CDAN1: variants seen among roughly 807,000 people sequenced by gnomAD.
CDAN1 encodes the protein codanin 1, also known as codanin-1.
CDAN1 carries 107 observed loss-of-function variants against 139.8 expected under a neutral mutation model. The observed-to-expected ratio is 0.77, with a 90% CI of 0.65 to 0.90. The LOEUF (loss-of-function observed/expected upper bound fraction) is 0.90. CDAN1 is among the 40% of genes least tolerant of loss of function. The pLI is 0.00. For missense variants in CDAN1, 1,667 were observed against 1,575.7 expected (o/e 1.06, Z -0.98); for synonymous variants, 776 against 660.6 (o/e 1.17, Z -2.68).
At chr15:42,726,235 C>T in intron 24 of CDAN1, 75 bp from the exon 25 acceptor site, 1 of 1,601,364 alleles carries the variant, frequency 6.2e-7, no homozygotes, top group Non-Finnish European at 8.5e-7. Flanking sequence ...GGCCCTGAGC[C>T]AGTGTGGCTC....
intron 19 of CDAN1, 92 bp downstream of exon 19, chr15:42,728,931 C>T: frequency 1.3e-6 from 2 of 1,572,482 alleles, no homozygotes; most frequent in Non-Finnish European, 1.7e-6. Context: ...GCCCCACACC[C>T]ACCCTCTGGC....
Position 42,730,176 on chromosome 15 carries a change from A to G in CDAN1, c.2214T>C (p.Cys738=), listed in dbSNP as rs1045650321. 3.7e-6 allele frequency: 6 copies of G among 1,614,224 alleles called. No homozygotes were observed. Among genetic ancestry groups the G allele is most frequent in the East Asian group, 4.5e-5 (2 of 44,884 alleles). The change falls in exon 15 of 28, where the codon TGT becomes TGC. Residue 738 remains cysteine (C), a synonymous_variant. Transcript: ENST00000356231. ...CAAGTAGCAGCAGCTTGTTCAGGAA[A>G]CACATCTTCCCCTCACTCTCCTGCG... ...VLSQESEGKM[C]FLNKLLLLAV... is the part of the protein sequence containing the mutation.
At position 42,733,935 on chromosome 15, in the gene CDAN1, C is replaced by T; in HGVS notation, c.1367+3G>A. On this transcript the variant is annotated splice_donor_region_variant and intron_variant, in intron 8 of 27. Coordinates refer to ENST00000356231, the MANE Select transcript of CDAN1 (RefSeq NM_138477.4). ...CTCCCCAAAAAGTCCCTTTTCTTAT[C>T]ACCTCTGTTTCTTAAAAGTATGAAA... The T allele has an allele frequency of 6.2e-7, 1 of 1,604,354 alleles. No homozygotes were observed.
Position 42,736,042 on chromosome 15 carries a change from C to G in CDAN1, c.606G>C (p.Val202=). Residue 202 remains valine (V), a synonymous_variant, in exon 3 of 28, where the codon GTG becomes GTC. Transcript: ENST00000356231. ...KPSRRINPTP[V]SEERSLSKPK... ...GCTTGGAGAGTGACCGCTCTTCGCT[C>G]ACCGGAGTTGGGTTGATCCTGCGAG... The G allele has an allele frequency of 6.2e-7, 1 of 1,614,182 alleles. No individual in the cohort carries two copies. Among genetic ancestry groups the G allele is most frequent in the Non-Finnish European group, 8.5e-7 (1 of 1,180,018 alleles).
intron 2 of CDAN1, 35 bp downstream of exon 2, chr15:42,736,267 T>C (rs758542256): frequency 1.2e-6 from 2 of 1,612,228 alleles, no homozygotes; most frequent in Non-Finnish European, 1.7e-6. Context: ...AGAGCCTTCG[T>C]GGTACCCATC....
rs1007650711 is a variant in CDAN1, at chr15:42,726,672, G to A, written c.3097-255C>T. The A allele has an allele frequency of 5.2e-5, 29 of 561,238 alleles. No homozygotes were observed. In the East Asian group the frequency reaches 5.3e-4, roughly 10 times the overall value. 34.8% of individuals were successfully genotyped at this position (561,238 alleles called of 1,614,324 possible). On this transcript the variant is annotated intron_variant, in intron 23 of 27. Transcript: ENST00000356231. ...AGTAGGCTGCCATAGCATGGGAAAC[G>A]TCACTCAACTTGGGACCAAACTGTA...
chr15:42,734,419 AC>A, intron 6 of CDAN1, 73 bp from the exon 7 acceptor site: 1 of 1,588,500 alleles, frequency 6.3e-7, no homozygotes, highest in Non-Finnish European at 8.6e-7. Flanking sequence ...CCTGCACACC[AC>A]AGAGGATCTC....
rs990394443 is a variant in CDAN1, at chr15:42,736,534, C to A, written c.337G>T (p.Ala113Ser). 1 of 1,458,086 alleles carries A rather than the reference C, an allele frequency of 6.9e-7. No homozygotes were observed. Among genetic ancestry groups the A allele is most frequent in the Non-Finnish European group, 9.0e-7 (1 of 1,106,912 alleles). 90.3% of individuals were successfully genotyped at this position (1,458,086 alleles called of 1,614,324 possible). The change falls in exon 2 of 28, where the codon GCC (alanine) becomes TCC (serine). Residue 113 changes from alanine to serine, a missense_variant. By Grantham distance (99) the Ala-to-Ser change is moderately conservative (BLOSUM62 1). Around this residue, in one of 3 missense-constraint regions of CDAN1, gnomAD observed 487 missense variants for 422.2 expected, o/e 1.15. Transcript: ENST00000356231. ...CTGCCCCCGCGGCGGGCCAGAGGGGCCTCGGCAGCGGTGCTCTGGGCCTCG... is the reference window on the plus strand; with the variant it reads ...CTGCCCCCGCGGCGGGCCAGAGGGGACTCGGCAGCGGTGCTCTGGGCCTCG... ...PTEAQSTAAE[A>S]PLARRGGRRR...
In CDAN1 at chr15:42,730,729, C is replaced by A. The variant is rs761138198; in HGVS notation, c.2043G>T (p.Gln681His). 1.2e-6 allele frequency: 2 copies of A among 1,612,894 alleles called. No individual in the cohort carries two copies. Among genetic ancestry groups the A allele is most frequent in the Non-Finnish European group, 1.7e-6 (2 of 1,179,410 alleles). ...CCGCCCGGCGGGCCTGCAGCCCTCGCTGCAGCAGAGTCCGCACATCCAGGA... is the reference window on the plus strand; with the variant it reads ...CCGCCCGGCGGGCCTGCAGCCCTCGATGCAGCAGAGTCCGCACATCCAGGA... The part of the protein sequence containing the change: ...PPVLDVRTLL[Q>H]RGLQARRAVL... The change falls in exon 14 of 28, where the codon CAG (glutamine) becomes CAT (histidine). Residue 681 changes from glutamine (Q) to histidine (H), a missense_variant. Transcript: ENST00000356231.
At chr15:42,730,309 A>C in intron 14 of CDAN1, 94 bp from the exon 15 acceptor site, 1 of 1,173,778 alleles carries the variant, frequency 8.5e-7, no homozygotes, top group South Asian at 1.2e-5. Flanking sequence ...CAAAAGCAGA[A>C]CTAAAAGGGA....
At chr15:42,730,287 G>A (rs2061591804) in intron 14 of CDAN1, 72 bp from the exon 15 acceptor site, 1 of 1,404,776 alleles carries the variant, frequency 7.1e-7, no homozygotes, top group African/African-American at 1.4e-5. Context: ...GCCATCAGTG[G>A]AAACTGGCTT....
At chr15:42,736,885 C>G (rs567618524) in intron 1 of CDAN1, 105 bp from the exon 2 acceptor site, 2 of 1,450,722 alleles carry the variant, frequency 1.4e-6, no homozygotes, top group African/African-American at 3.0e-5. Flanking sequence ...GCCCGGGCAG[C>G]GGCGCCCAGT....
chr15:42,724,514 C>A lies in CDAN1; in HGVS notation c.3661G>T (p.Gly1221Cys), dbSNP rs2061497193. 6.4e-7 allele frequency: 1 copy of A among 1,574,194 alleles called. No homozygotes were observed. Among genetic ancestry groups the A allele is most frequent in the East Asian group, 2.3e-5 (1 of 42,826 alleles). Reference protein sequence around the residue: ...RACELVQPNRGTVLAQS With the variant: ...RACELVQPNRCTVLAQS ...CCCTAGCTCTGGGCCAGCACAGTGC[C>A]CCGGTTTGGCTGCACCAACTCACAG... Residue 1221 changes from glycine to cysteine, a missense_variant, in exon 28 of 28, where the codon GGC becomes TGC. Physicochemically the swap from Gly to Cys is radical, Grantham distance 159. Around this residue, in one of 3 missense-constraint regions of CDAN1, gnomAD observed 936 missense variants for 844.1 expected, o/e 1.11. Coordinates refer to ENST00000356231, the MANE Select transcript of CDAN1 (RefSeq NM_138477.4).
At chr15:42,724,775 C>G in intron 27 of CDAN1, 159 bp from the exon 28 acceptor site, 1 of 971,814 alleles carries the variant, frequency 1.0e-6, no homozygotes, top group Non-Finnish European at 1.6e-6. Flanking sequence ...TGTTAGTACT[C>G]TGGGAGGCTG....
Position 42,726,411 on chromosome 15 carries a change from G to T in CDAN1, c.3103C>A (p.Leu1035Ile). The change falls in exon 24 of 28, where the codon CTC becomes ATC. Residue 1035 changes from leucine to isoleucine, a missense_variant. By Grantham distance (5) the Leu-to-Ile change is conservative (BLOSUM62 2). This residue lies in a region of CDAN1 where 936 missense variants were observed against 844.1 expected (regional missense o/e 1.11). Coordinates refer to ENST00000356231, the MANE Select transcript of CDAN1 (RefSeq NM_138477.4). ...TCCCGTGGCCCCACGGCCAAGGAGA[G>T]CACGTCCTGTGAAGAGCAGGGGGAG... ...SHLISEIKDV[L>I]SLAVGPRDPD... 1 of 1,591,952 alleles carries T rather than the reference G, an allele frequency of 6.3e-7. No individual in the cohort carries two copies. The highest frequency in any genetic ancestry group is 8.6e-7 in the Non-Finnish European group (1 of 1,169,136).
At position 42,728,696 on chromosome 15, in the gene CDAN1, G is replaced by C; in HGVS notation, c.2760C>G (p.Ser920=). The C allele has an allele frequency of 1.2e-6, 2 of 1,614,176 alleles. No homozygotes were observed. Among genetic ancestry groups the C allele is most frequent in the South Asian group, 2.2e-5 (2 of 91,086 alleles). Residue 920 remains serine, a synonymous_variant, in exon 20 of 28, where the codon TCC becomes TCG. Coordinates refer to ENST00000356231, the MANE Select transcript of CDAN1 (RefSeq NM_138477.4). ...DPAQLLEILC[S]QLCPHGAQAL... ...CCTGGGCCCCGTGAGGGCACAGCTG[G>C]GAACACAAGATCTCCAACAGCTGGG...
Position 42,729,039 on chromosome 15 carries a change from A to T in CDAN1, c.2629T>A (p.Cys877Ser). ...CACTCTTACTTGATATGTTTGACAC[A>T]GTTTGATCCAATTCTTTCTGCCACG... ...EFVAERIGSN[C>S]VKHIKATLVA... The change falls in exon 19 of 28, where the codon TGT becomes AGT. Residue 877 changes from cysteine to serine, a missense_variant. This residue lies in a region of CDAN1 where 936 missense variants were observed against 844.1 expected (regional missense o/e 1.11). Transcript: ENST00000356231. 6.2e-7 allele frequency: 1 copy of T among 1,614,168 alleles called. No individual in the cohort carries two copies. Among genetic ancestry groups the T allele is most frequent in the Non-Finnish European group, 8.5e-7 (1 of 1,180,008 alleles).
intron 2 of CDAN1, 35 bp downstream of exon 2, chr15:42,736,267 T>G (rs758542256): frequency 6.2e-7 from 1 of 1,612,346 alleles, no homozygotes; most frequent in South Asian, 1.1e-5. Flanking sequence ...AGAGCCTTCG[T>G]GGTACCCATC....
intron 14 of CDAN1, 39 bp downstream of exon 14, chr15:42,730,559 C>T: frequency 1.9e-6 from 3 of 1,611,648 alleles, no homozygotes; most frequent in Non-Finnish European, 2.5e-6. Flanking sequence ...GTCCCGAGTC[C>T]CGAATCCTTT....
Sources: allele counts gnomAD v4.1 joint callset, GRCh38; gene constraint gnomAD v4.1.1; regional missense constraint gnomAD v4.1.1; transcripts MANE v1.5; gene names NCBI Gene and HGNC (gene_info 2026-07-23, HGNC 2026-07-21).